The following CNTNAP2 variants were observed in gnomAD, a reference collection of about 807,000 sequenced individuals.
The protein encoded by CNTNAP2 is contactin-associated protein-like 2.
CNTNAP2 carries 98 observed loss-of-function variants against 155.2 expected under a neutral mutation model. That is an observed-to-expected ratio of 0.63 (90% CI 0.54 to 0.75). The LOEUF is 0.75. Among genes scored for constraint, CNTNAP2 ranks in the 30% least tolerant of loss-of-function variants. The pLI, the probability that CNTNAP2 is intolerant of heterozygous loss-of-function variation, is 0.00. For synonymous variants in CNTNAP2, 651 were observed against 631.2 expected, an observed-to-expected ratio of 1.03 and a Z score of -0.47; for missense variants, 1,727 against 1,688.1, an observed-to-expected ratio of 1.02 and a Z score of -0.40.
At chr7:146,984,193 C>T (rs1028585399) in intron 3 of CNTNAP2, among the ~76,000 whole-genome samples, 1 of 151,836 alleles carries the variant, frequency 6.6e-6, no homozygotes, top group East Asian at 1.9e-4. Context: ...CATGAAGAAA[C>T]CCCATCTCTA....
At chr7:147,223,844 G>A (rs1803460610) in intron 8 of CNTNAP2, among the ~76,000 whole-genome samples, 1 of 151,404 alleles carries the variant, frequency 6.6e-6, no homozygotes, top group Admixed American at 6.6e-5. Context: ...GGGAGGCCAA[G>A]GCAGAAGAAT....
intron 13 of CNTNAP2, among the ~76,000 whole-genome samples, chr7:147,855,182 A>AGTGG (rs1799015873): frequency 6.6e-6 from 1 of 152,022 alleles, no homozygotes; most frequent in Non-Finnish European, 1.5e-5. Flanking sequence ...TGGTGTGTAA[A>AGTGG]AGTCATGGTG....
intron 15 of CNTNAP2, among the ~76,000 whole-genome samples, chr7:147,986,316 A>T (rs1432174675): frequency 1.3e-5 from 2 of 152,224 alleles, no homozygotes; most frequent in Non-Finnish European, 2.9e-5. Context: ...GATTTTTAAA[A>T]AGAGCATTAA....
intron 11 of CNTNAP2, among the ~76,000 whole-genome samples, chr7:147,552,534 G>T (rs1369526426): frequency 6.6e-6 from 1 of 151,218 alleles, no homozygotes; most frequent in South Asian, 2.1e-4. Context: ...AAAACAAATG[G>T]AGAATTTGAA....
intron 15 of CNTNAP2, among the ~76,000 whole-genome samples, chr7:147,995,124 A>G (rs1801779632): frequency 6.6e-6 from 1 of 152,116 alleles, no homozygotes; most frequent in Admixed American, 6.6e-5. Flanking sequence ...CTCACTAGAG[A>G]CTCAGCACCC....
chr7:146,937,547 C>T (rs1042685356), intron 3 of CNTNAP2, among the ~76,000 whole-genome samples: 9 of 152,048 alleles, frequency 5.9e-5, no homozygotes, highest in African/African-American at 2.2e-4. Context: ...GCTTTTCTCA[C>T]AGGGGCACTT....
At chr7:147,427,485 A>T (rs1325629933) in intron 10 of CNTNAP2, among the ~76,000 whole-genome samples, 1 of 152,164 alleles carries the variant, frequency 6.6e-6, no homozygotes, top group Non-Finnish European at 1.5e-5. Context: ...TATGTGAGAA[A>T]GTTTAACAAT....
intron 8 of CNTNAP2, among the ~76,000 whole-genome samples, chr7:147,280,490 G>T: frequency 6.6e-6 from 1 of 151,946 alleles, no homozygotes; most frequent in Admixed American, 6.6e-5. Flanking sequence ...AGAGAATAAT[G>T]ATGTTCAGCT....
At position 147,691,496 on chromosome 7, in the gene CNTNAP2, A is replaced by C. The variant is rs538747204; in HGVS notation, c.2098+52190A>C. ...ATTATCACAATATCTACTCTTCCTA[A>C]CTTGATCTACAGATTCAATGCAATC... On this transcript the variant is annotated intron_variant, in intron 13 of 23. Coordinates refer to ENST00000361727, the MANE Select transcript of CNTNAP2 (RefSeq NM_014141.6). Among the ~76,000 whole-genome samples the C allele has an allele frequency of 2.3e-4, 35 of 152,182 alleles. No individual in the cohort carries two copies. The South Asian group carries it at 7.2e-3, about 32-fold the overall frequency.
intron 3 of CNTNAP2, among the ~76,000 whole-genome samples, chr7:146,880,607 A>G (rs964456494): frequency 6.6e-6 from 1 of 152,140 alleles, no homozygotes; most frequent in Non-Finnish European, 1.5e-5. Context: ...TTATTACTTC[A>G]TTATGTTTTC....
intron 8 of CNTNAP2, among the ~76,000 whole-genome samples, chr7:147,213,977 G>T (rs2116577788): frequency 6.6e-6 from 1 of 152,144 alleles, no homozygotes; most frequent in African/African-American, 2.4e-5. Context: ...ATGATTGAAT[G>T]GTGCCCAGAC....
chr7:148,353,409 G>A (rs1036447120), intron 21 of CNTNAP2, among the ~76,000 whole-genome samples: 3 of 152,138 alleles, frequency 2.0e-5, no homozygotes, highest in Admixed American at 6.5e-5. Flanking sequence ...ATGCTGCCTC[G>A]TTGTCCATAA....
intron 21 of CNTNAP2, among the ~76,000 whole-genome samples, chr7:148,298,626 T>G (rs1439559001): frequency 6.6e-6 from 1 of 152,114 alleles, no homozygotes; most frequent in African/African-American, 2.4e-5. Context: ...TCCAACCAAG[T>G]TCCAAGGATT....
chr7:147,388,049 G>A (rs1053553696), intron 9 of CNTNAP2, among the ~76,000 whole-genome samples: 8 of 152,116 alleles, frequency 5.3e-5, no homozygotes, highest in African/African-American at 1.9e-4. Context: ...CTTTTAGACA[G>A]GCAGACTCTT....
intron 17 of CNTNAP2, among the ~76,000 whole-genome samples, chr7:148,163,486 T>A (rs2116677779): frequency 6.6e-6 from 1 of 152,234 alleles, no homozygotes; most frequent in South Asian, 2.1e-4. Context: ...CACATAGGAG[T>A]GCTTTATACT....
intron 9 of CNTNAP2, among the ~76,000 whole-genome samples, chr7:147,339,274 A>G (rs1460765961): frequency 6.6e-6 from 1 of 152,102 alleles, no homozygotes; most frequent in Non-Finnish European, 1.5e-5. Flanking sequence ...TTTTGGATCC[A>G]TGGGGGCAGT....
intron 1 of CNTNAP2, among the ~76,000 whole-genome samples, chr7:146,482,004 C>A (rs974957090): frequency 6.6e-6 from 1 of 151,796 alleles, no homozygotes; most frequent in African/African-American, 2.4e-5. Flanking sequence ...CAAAGCATGC[C>A]TATATATAAA....
intron 14 of CNTNAP2, among the ~76,000 whole-genome samples, chr7:147,969,593 G>C (rs902394765): frequency 6.6e-5 from 10 of 152,144 alleles, no homozygotes; most frequent in Non-Finnish European, 1.3e-4. Flanking sequence ...TTTAAGGTTT[G>C]TCACCTTTTT....
intron 1 of CNTNAP2, among the ~76,000 whole-genome samples, chr7:146,599,413 G>A (rs887110837): frequency 1.2e-4 from 18 of 151,930 alleles, no homozygotes; most frequent in African/African-American, 4.3e-4. Context: ...CTGGGATCCC[G>A]TATTTCCTCT....
Sources: allele counts gnomAD v4.1 joint callset (sites outside exome capture counted in the v4.1 genomes callset), GRCh38; gene constraint gnomAD v4.1.1; transcripts MANE v1.5; gene names NCBI Gene and HGNC (gene_info 2026-07-23, HGNC 2026-07-21).